The following MTMR12 variants were observed in gnomAD, a reference collection of about 807,000 sequenced individuals.
MTMR12 encodes the protein myotubularin related protein 12, also known as myotubularin-related protein 12.
A neutral mutation model predicts 96.7 loss-of-function variants in MTMR12; 33 were observed. The observed-to-expected ratio is 0.34, with a 90% CI of 0.26 to 0.46. MTMR12 has a LOEUF of 0.46. MTMR12 is among the 20% of genes least tolerant of loss of function. The probability of loss-of-function intolerance (pLI) is 1.00; values close to 1 mark genes in which losing one functional copy is unlikely to be tolerated. For missense variants in MTMR12, 721 were observed against 896.1 expected, an observed-to-expected ratio of 0.80 and a Z score of 2.49; for synonymous variants, 298 against 327.2, an observed-to-expected ratio of 0.91 and a Z score of 0.96.
chr5:32,259,397 ATAGC>A (rs1749270896), intron 7 of MTMR12, among the ~76,000 whole-genome samples: 4 of 152,186 alleles, frequency 2.6e-5, no homozygotes, highest in Non-Finnish European at 4.4e-5. Flanking sequence ...TGGTACCAGA[ATAGC>A]CAGCTCTGAC....
At position 32,300,616 on chromosome 5, in the gene MTMR12, C is replaced by T. The variant is rs527933560; in HGVS notation, c.81+12142G>A. On this transcript the variant is annotated intron_variant, in intron 1 of 15. Transcript: ENST00000382142. ...CTGTCTGCCACCCAGATTACATCTG[C>T]CATACTTACTGCGCTCCTCAGGTAC... Among the ~76,000 whole-genome samples the T allele has an allele frequency of 1.3e-3, 198 of 152,308 alleles. 1 individual carries two copies. The highest frequency in any genetic ancestry group is 3.4e-3 in the Middle Eastern group (1 of 294).
chr5:32,257,518 C>A (rs1290774946), intron 7 of MTMR12, among the ~76,000 whole-genome samples: 1 of 151,730 alleles, frequency 6.6e-6, no homozygotes, highest in Admixed American at 6.6e-5. Context: ...CACCTATAAT[C>A]CCAGAACTTT....
intron 1 of MTMR12, among the ~76,000 whole-genome samples, chr5:32,305,135 C>A (rs1158811085): frequency 1.3e-5 from 2 of 152,148 alleles, no homozygotes; most frequent in Admixed American, 6.5e-5. Context: ...GTCGCCCAGG[C>A]TGGAATGCAG....
At chr5:32,234,362 C>A (rs1380311610) in intron 14 of MTMR12, among the ~76,000 whole-genome samples, 1 of 152,226 alleles carries the variant, frequency 6.6e-6, no homozygotes, top group Middle Eastern at 3.4e-3. Context: ...GCCTGTAGCC[C>A]TCAGGAGGCT....
At position 32,228,534 on chromosome 5, in the gene MTMR12, G is replaced by GTGATATATATATATCATATATATGTGAT. The variant is rs138165258; in HGVS notation, c.*1243_*1244insATCACATATATATGATATATATATATCA. On this transcript the variant is annotated 3_prime_UTR_variant, in exon 16 of 16. Coordinates refer to ENST00000382142, the MANE Select transcript of MTMR12 (RefSeq NM_001040446.3). ...TAAAAAAAATATATATCATATATAT[G>GTGATATATATATATCATATATATGTGAT]ATATATATATCATATATATGTGATA... is the stretch of plus-strand genomic sequence containing the variant. 1.1e-5 allele frequency: 1 copy of GTGATATATATATATCATATATATGTGAT among 87,524 alleles called. No homozygotes were observed. Among genetic ancestry groups the GTGATATATATATATCATATATATGTGAT allele is most frequent in the African/African-American group, 4.4e-5 (1 of 22,612 alleles). 5.4% of individuals were successfully genotyped at this position (87,524 alleles called of 1,614,324 possible).
chr5:32,256,150 T>C (rs936164147), intron 7 of MTMR12, among the ~76,000 whole-genome samples: 1 of 152,170 alleles, frequency 6.6e-6, no homozygotes, highest in South Asian at 2.1e-4. Context: ...TTGTTTTCAG[T>C]TAAACTAATA....
intron 13 of MTMR12, among the ~76,000 whole-genome samples, chr5:32,235,955 G>C (rs1242938428): frequency 1.3e-5 from 2 of 152,094 alleles, no homozygotes; most frequent in South Asian, 2.1e-4. Context: ...CGGTCCCCAG[G>C]GTCTCACACA....
rs773410130 is a variant in MTMR12 at position 32,233,006 on chromosome 5, GGCCTGGAGACAGA to G, written c.1674+754_1674+766del. ...TGGACTCTGTGGGGGAGAAATTCTG[GGCCTGGAGACAGA>G]GCTAGGAAATGTCAGTTAAATAATT... On this transcript the variant is annotated intron_variant, in intron 15 of 15. Transcript: ENST00000382142. The surrounding 1 kb of genome is among the most constrained non-coding windows in gnomAD (Gnocchi z 5.0). 1.0e-6 allele frequency: 1 copy of G among 985,140 alleles called. No individual in the cohort carries two copies. The highest frequency in any genetic ancestry group is 1.2e-6 in the Non-Finnish European group (1 of 829,674). The allele number at this position is 985,140 out of a possible 1,614,324, so 61.0% of individuals were successfully genotyped here.
intron 1 of MTMR12, among the ~76,000 whole-genome samples, chr5:32,310,976 C>A (rs763865271): frequency 2.0e-5 from 3 of 151,524 alleles, no homozygotes; most frequent in Non-Finnish European, 4.4e-5. Context: ...TGGGTTCAAG[C>A]GATTCTCCTG....
At chr5:32,250,147 G>A (rs191067132) in intron 8 of MTMR12, among the ~76,000 whole-genome samples, 3 of 152,266 alleles carry the variant, frequency 2.0e-5, no homozygotes, top group Admixed American at 2.0e-4. Flanking sequence ...AATCACAAAG[G>A]GGAACTGGTT....
chr5:32,311,565 G>A (rs1293955803), intron 1 of MTMR12, among the ~76,000 whole-genome samples: 4 of 152,208 alleles, frequency 2.6e-5, no homozygotes, highest in African/African-American at 7.2e-5. Context: ...CGGTGCTTCT[G>A]CACTTCTGCT....
chr5:32,267,472 G>A (rs189607730), intron 6 of MTMR12, among the ~76,000 whole-genome samples: 114 of 151,902 alleles, frequency 7.5e-4, no homozygotes, highest in African/African-American at 2.7e-3. Flanking sequence ...GTGAAAACAT[G>A]TCCAATGCTA....
intron 1 of MTMR12, among the ~76,000 whole-genome samples, chr5:32,279,213 C>T (rs1390370810): frequency 2.0e-5 from 3 of 150,018 alleles, no homozygotes; most frequent in African/African-American, 7.4e-5. Context: ...TTGAGACGGG[C>T]TTAGGAAACA....
At position 32,233,112 on chromosome 5, in the gene MTMR12, G is replaced by GC; in HGVS notation, c.1674+660_1674+661insG. ...CTGACATTTGTGGCTCATAGCATAG[G>GC]TCAGCAAACTGGCCACCCCTCCGGC... On this transcript the variant is annotated intron_variant, in intron 15 of 15. Transcript: ENST00000382142. The surrounding 1 kb of genome is among the most constrained non-coding windows in gnomAD (Gnocchi z 5.0). The GC allele has an allele frequency of 1.3e-6, 1 of 759,986 alleles. No homozygotes were observed. Among genetic ancestry groups the GC allele is most frequent in the Non-Finnish European group, 1.6e-6 (1 of 624,408 alleles). 47.1% of individuals were successfully genotyped at this position (759,986 alleles called of 1,614,324 possible).
At chr5:32,280,972 G>A (rs1254179872) in intron 1 of MTMR12, among the ~76,000 whole-genome samples, 1 of 151,974 alleles carries the variant, frequency 6.6e-6, no homozygotes, top group Non-Finnish European at 1.5e-5. Context: ...TCTCGGCAGG[G>A]TGTGGTGGCT....
intron 1 of MTMR12, among the ~76,000 whole-genome samples, chr5:32,288,646 G>C (rs1458569744): frequency 1.3e-5 from 2 of 152,194 alleles, no homozygotes; most frequent in Admixed American, 6.5e-5. Flanking sequence ...CATAGAGTTG[G>C]ATCAGGCTAA....
At chr5:32,255,099 C>T (rs2112038251) in intron 8 of MTMR12, among the ~76,000 whole-genome samples, 2 of 152,310 alleles carry the variant, frequency 1.3e-5, no homozygotes, top group East Asian at 1.9e-4. Flanking sequence ...GGGAGTGACC[C>T]TTTTGGTGAA....
intron 13 of MTMR12, among the ~76,000 whole-genome samples, chr5:32,237,129 C>A (rs538516202): frequency 6.6e-6 from 1 of 152,214 alleles, no homozygotes; most frequent in Non-Finnish European, 1.5e-5. Flanking sequence ...GTGCCCACAG[C>A]ATTCTGTGTC....
chr5:32,259,985 G>A (rs1749296284), intron 7 of MTMR12, among the ~76,000 whole-genome samples: 1 of 144,170 alleles, frequency 6.9e-6, no homozygotes, highest in Non-Finnish European at 1.5e-5. Flanking sequence ...GCAGTGAGCC[G>A]AGATCACACC....
Sources: gnomAD v4.1 joint callset for allele counts (sites outside exome capture counted in the v4.1 genomes callset) on GRCh38, gnomAD v4.1.1 for gene constraint, Gnocchi (gnomAD v3.1) non-coding constraint, MANE v1.5 for transcripts, NCBI Gene and HGNC (gene_info 2026-07-23, HGNC 2026-07-21) for gene names.